MTHFD2L: variants seen among roughly 807,000 people sequenced by gnomAD.
MTHFD2L encodes the protein bifunctional methylenetetrahydrofolate dehydrogenase/cyclohydrolase 2, mitochondrial.
In MTHFD2L, 29 loss-of-function variants were observed where a neutral mutation model predicts 34.9. That is an observed-to-expected ratio of 0.83 (90% CI 0.62 to 1.13). The LOEUF (loss-of-function observed/expected upper bound fraction) is 1.13, where lower values mean the gene tolerates loss of function less well. Ranked by LOEUF, MTHFD2L falls within the 50% of genes most tolerant of loss-of-function variation. MTHFD2L has a pLI of 0.00. For synonymous variants in MTHFD2L, 167 were observed against 155.7 expected (o/e 1.07, Z -0.54); for missense variants, 481 against 446.5 (o/e 1.08, Z -0.70).
chr4:74,153,688 A>C (rs1481932506), upstream of MTHFD2L, among the ~76,000 whole-genome samples: 3 of 152,196 alleles, frequency 2.0e-5, no homozygotes, highest in Admixed American at 2.0e-4. Context: ...GATAAAGTCC[A>C]CCTTTAAAGA....
At chr4:74,265,926 TAACA>T (rs1434133502) in intron 6 of MTHFD2L, among the ~76,000 whole-genome samples, 4 of 152,214 alleles carry the variant, frequency 2.6e-5, no homozygotes, top group African/African-American at 9.7e-5. Context: ...TTTTTTCTTT[TAACA>T]AACAAAGCAC....
intron 6 of MTHFD2L, among the ~76,000 whole-genome samples, chr4:74,255,299 G>A (rs976474824): frequency 6.6e-6 from 1 of 151,970 alleles, no homozygotes; most frequent in East Asian, 1.9e-4. Flanking sequence ...GAATACAGTT[G>A]TAACTGTAAG....
intron 5 of MTHFD2L, among the ~76,000 whole-genome samples, chr4:74,215,589 C>G (rs1443639086): frequency 6.6e-6 from 1 of 151,620 alleles, no homozygotes; most frequent in Non-Finnish European, 1.5e-5. Context: ...AGAAATCACC[C>G]ACCTTCTGCA....
chr4:74,185,275 T>G (rs1036210623), intron 3 of MTHFD2L, among the ~76,000 whole-genome samples: 4 of 151,906 alleles, frequency 2.6e-5, no homozygotes, highest in Non-Finnish European at 5.9e-5. Context: ...GAAATTGTTT[T>G]GAACTTTTTG....
chr4:74,294,066 G>A (rs1266850387), intron 7 of MTHFD2L, among the ~76,000 whole-genome samples: 8 of 152,070 alleles, frequency 5.3e-5, no homozygotes. Flanking sequence ...AACTGACATG[G>A]GCCATAGAGT....
intron 1 of MTHFD2L, among the ~76,000 whole-genome samples, chr4:74,151,851 C>T (rs1448601982): frequency 6.6e-6 from 1 of 152,030 alleles, no homozygotes; most frequent in Non-Finnish European, 1.5e-5. Context: ...CATAGGTTTT[C>T]CAAATTTTTA....
intron 6 of MTHFD2L, among the ~76,000 whole-genome samples, chr4:74,251,716 A>G (rs1542468): frequency 0.94 from 143,435 of 152,202 alleles, 67,906 homozygotes; most frequent in Non-Finnish European, 0.99. Context: ...CATACCCTGG[A>G]CATTCCTATA....
intron 2 of MTHFD2L, among the ~76,000 whole-genome samples, chr4:74,116,638 A>C (rs1275018665): frequency 6.6e-6 from 1 of 152,194 alleles, no homozygotes; most frequent in Non-Finnish European, 1.5e-5. Context: ...TCTGATTGGC[A>C]TTGTTTTTTA....
chr4:74,242,492 A>T (rs1201642915), intron 6 of MTHFD2L, among the ~76,000 whole-genome samples: 2 of 152,144 alleles, frequency 1.3e-5, no homozygotes, highest in Non-Finnish European at 2.9e-5. Flanking sequence ...CAACATTCTT[A>T]TGAGGTCAGT....
chr4:74,268,957 G>A (rs1342068292), intron 6 of MTHFD2L, among the ~76,000 whole-genome samples: 1 of 151,972 alleles, frequency 6.6e-6, no homozygotes, highest in African/African-American at 2.4e-5. Context: ...GGCAACATTG[G>A]TGATTTATTT....
chr4:74,179,519 G>A (rs1729691859), intron 3 of MTHFD2L, among the ~76,000 whole-genome samples: 1 of 151,982 alleles, frequency 6.6e-6, no homozygotes, highest in Non-Finnish European at 1.5e-5. Flanking sequence ...ATTTTTGCTA[G>A]CAGAAGATAT....
At chr4:74,125,301 AG>A (rs1278711944), upstream of MTHFD2L, 1 of 152,166 alleles carries the variant, frequency 6.6e-6, no homozygotes. Flanking sequence ...GGGTTCCTGC[AG>A]CTCCCAGAAA....
intron 6 of MTHFD2L, among the ~76,000 whole-genome samples, chr4:74,262,921 C>T (rs1034475422): frequency 2.0e-5 from 3 of 151,874 alleles, no homozygotes; most frequent in African/African-American, 2.4e-5. Context: ...TGTATTACAG[C>T]TCGTTGGTGA....
intron 5 of MTHFD2L, among the ~76,000 whole-genome samples, chr4:74,218,841 TATTA>T (rs1448341401): frequency 6.6e-6 from 1 of 152,122 alleles, no homozygotes; most frequent in East Asian, 1.9e-4. Context: ...CTTGTCTACC[TATTA>T]ATTACTGATT....
At chr4:74,254,787 G>T (rs534692896) in intron 6 of MTHFD2L, among the ~76,000 whole-genome samples, 57 of 151,282 alleles carry the variant, frequency 3.8e-4, no homozygotes, top group Non-Finnish European at 6.6e-4. Flanking sequence ...TTTAACTTTA[G>T]TATGAAGATT....
upstream of MTHFD2L, among the ~76,000 whole-genome samples, chr4:74,119,066 A>G (rs908293451): frequency 1.1e-4 from 17 of 152,212 alleles, no homozygotes; most frequent in Non-Finnish European, 8.8e-5. Context: ...CTGCAGACGC[A>G]TATCAAAACC....
At chr4:74,194,863 C>T (rs1733195245) in intron 3 of MTHFD2L, 1 of 151,970 alleles carries the variant, frequency 6.6e-6, no homozygotes, top group Non-Finnish European at 1.5e-5. Context: ...TTTTTGTCTA[C>T]AAATCTTCTT....
intron 5 of MTHFD2L, among the ~76,000 whole-genome samples, chr4:74,224,888 C>G (rs1018036825): frequency 1.3e-5 from 2 of 152,022 alleles, no homozygotes; most frequent in Admixed American, 1.3e-4. Context: ...CAGAATTAAT[C>G]TCTCAGTTAT....
At chr4:74,262,090 G>T (rs1194445606) in intron 6 of MTHFD2L, among the ~76,000 whole-genome samples, 3 of 151,778 alleles carry the variant, frequency 2.0e-5, no homozygotes, top group Non-Finnish European at 4.4e-5. Context: ...ACACACATTC[G>T]TATGTGTGAA....
Sources: gnomAD v4.1 joint callset for allele counts (sites outside exome capture counted in the v4.1 genomes callset) on GRCh38, gnomAD v4.1.1 for gene constraint, MANE v1.5 for transcripts, NCBI Gene and HGNC (gene_info 2026-07-23, HGNC 2026-07-21) for gene names.